Variants in MED12L observed in about 807,000 individuals in gnomAD.
MED12L encodes the protein mediator of RNA polymerase II transcription subunit 12-like protein.
Under a neutral mutation model 281.3 loss-of-function variants are expected in MED12L, and 60 were observed. The observed-to-expected ratio is 0.21, with a 90% CI of 0.17 to 0.26. The LOEUF (loss-of-function observed/expected upper bound fraction) is 0.26, where lower values mean the gene tolerates loss of function less well. Among genes scored for constraint, MED12L ranks in the 10% least tolerant of loss-of-function variants. The pLI is 1.00. For synonymous variants in MED12L, 974 were observed against 987.2 expected (o/e 0.99, Z 0.25); for missense variants, 2,146 against 2,680.9 (o/e 0.80, Z 4.41).
At chr3:151,239,291 G>A (rs1733593038) in intron 16 of MED12L, among the ~76,000 whole-genome samples, 1 of 152,170 alleles carries the variant, frequency 6.6e-6, no homozygotes, top group Admixed American at 6.5e-5. Context: ...TCATTGACAT[G>A]GTTTTAGATC....
intron 21 of MED12L, among the ~76,000 whole-genome samples, chr3:151,361,769 T>C (rs749178892): frequency 4.6e-5 from 7 of 152,266 alleles, no homozygotes; most frequent in Middle Eastern, 3.4e-3. Context: ...TCAGAGCTAT[T>C]TGCATGCTGA....
At chr3:151,308,444 T>C (rs1284462566) in intron 16 of MED12L, among the ~76,000 whole-genome samples, 1 of 152,166 alleles carries the variant, frequency 6.6e-6, no homozygotes, top group East Asian at 1.9e-4. Flanking sequence ...CTAGTCAGTT[T>C]AGGGGCCACA....
chr3:151,255,226 G>A (rs934383461), intron 16 of MED12L, among the ~76,000 whole-genome samples: 4 of 152,088 alleles, frequency 2.6e-5, no homozygotes, highest in African/African-American at 4.8e-5. Context: ...ATATAACAGG[G>A]GATGTGAGAG....
intron 11 of MED12L, among the ~76,000 whole-genome samples, chr3:151,172,927 T>G (rs1183434898): frequency 6.6e-6 from 1 of 152,238 alleles, no homozygotes; most frequent in African/African-American, 2.4e-5. Flanking sequence ...TGAAATAATG[T>G]GTTAGTAAAA....
chr3:151,222,993 G>A (rs902144281), intron 16 of MED12L, among the ~76,000 whole-genome samples: 2 of 152,020 alleles, frequency 1.3e-5, no homozygotes, highest in African/African-American at 2.4e-5. Context: ...GAGAGGTGGC[G>A]ATTGTGATCA....
At chr3:151,304,182 A>G (rs1187618860) in intron 16 of MED12L, among the ~76,000 whole-genome samples, 1 of 152,224 alleles carries the variant, frequency 6.6e-6, no homozygotes, top group Non-Finnish European at 1.5e-5. Context: ...CAAAAAAAGA[A>G]CATGCCTGTG....
rs1712576625 is a variant in MED12L, at chr3:151,115,338, T to A, written c.100-1000T>A. On this transcript the variant is annotated intron_variant, in intron 2 of 44. Transcript: ENST00000687756. Reference sequence around the variant, plus strand: ...CTCTGGAAACAATTCTTTTTTTTTTTTTTTTTTTTTTTTTTTTTTTTTTTT... The same window carrying A: ...CTCTGGAAACAATTCTTTTTTTTTTATTTTTTTTTTTTTTTTTTTTTTTTT... Among the ~76,000 whole-genome samples, 4 of 36,644 alleles carry A rather than the reference T, an allele frequency of 1.1e-4. No homozygotes were observed. The East Asian group carries it at 4.4e-3, about 40-fold the overall frequency. The allele number at this position is 36,644 out of a possible 152,430, so 24.0% of individuals were successfully genotyped here.
intron 19 of MED12L, among the ~76,000 whole-genome samples, chr3:151,356,338 G>A (rs1577422343): frequency 1.3e-5 from 2 of 152,148 alleles, no homozygotes; most frequent in East Asian, 1.9e-4. Flanking sequence ...GATGCAATAA[G>A]CCATGATCAT....
intron 16 of MED12L, among the ~76,000 whole-genome samples, chr3:151,299,385 C>CTTTTCTTTTCTTTTCT (rs1745573052): frequency 7.3e-6 from 1 of 137,756 alleles, no homozygotes; most frequent in Non-Finnish European, 1.6e-5. Flanking sequence ...CTTTTCTTTT[C>CTTTTCTTTTCTTTTCT]TTTTCTTTTC....
At chr3:151,223,303 A>C (rs1178044814) in intron 16 of MED12L, among the ~76,000 whole-genome samples, 1 of 152,120 alleles carries the variant, frequency 6.6e-6, no homozygotes, top group African/African-American at 2.4e-5. Context: ...AGAACTAAAC[A>C]TAAAATTACC....
rs767526319 is a variant in MED12L at position 151,127,898 on chromosome 3, C to T, written c.470C>T (p.Thr157Met). 23 of 1,613,704 alleles carry T rather than the reference C, an allele frequency of 1.4e-5. No individual in the cohort carries two copies. Among genetic ancestry groups the T allele is most frequent in the East Asian group, 6.7e-5 (3 of 44,892 alleles). Residue 157 changes from threonine (T) to methionine (M), a missense_variant, in exon 5 of 45, where the codon ACG becomes ATG. By Grantham distance (81) the Thr-to-Met change is moderately conservative. Around this residue, in one of 9 missense-constraint regions of MED12L, gnomAD observed 722 missense variants for 861.2 expected, o/e 0.84. Coordinates refer to ENST00000687756, the MANE Select transcript of MED12L (RefSeq NM_001393769.1). The stretch of plus-strand genomic sequence containing the variant: ...TATTCTGTGCCAATGGTTCGAGCAA[C>T]GTGGCTGATCAAGATGACTTGTGCC... ...AKYSVPMVRA[T>M]WLIKMTCAYY...
chr3:151,223,995 T>G (rs1377551190), intron 16 of MED12L, among the ~76,000 whole-genome samples: 2 of 152,216 alleles, frequency 1.3e-5, no homozygotes, highest in Non-Finnish European at 2.9e-5. Context: ...GATATTTTAT[T>G]TCTTAAATTC....
chr3:151,406,197 A>C (rs1377787171), intron 39 of MED12L, among the ~76,000 whole-genome samples: 2 of 152,182 alleles, frequency 1.3e-5, no homozygotes, highest in East Asian at 3.8e-4. Flanking sequence ...ATGCCTACCA[A>C]CATTTAAAAG....
chr3:151,291,870 A>C lies in MED12L; in HGVS notation c.2251-58189A>C, dbSNP rs887002220. 2.0e-5 allele frequency among the ~76,000 whole-genome samples: 3 copies of C among 152,220 alleles called. No individual in the cohort carries two copies. In the East Asian group the frequency reaches 5.8e-4, roughly 29 times the overall value. On this transcript the variant is annotated intron_variant, in intron 16 of 44. Transcript: ENST00000687756. ...GTTTTTGTCATATGACTTTTAAAAA[A>C]ATAGGGATGATGTTCTCTGTGTTTT...
intron 2 of MED12L, among the ~76,000 whole-genome samples, chr3:151,103,004 C>A (rs1354170430): frequency 1.3e-5 from 2 of 152,178 alleles, no homozygotes; most frequent in African/African-American, 4.8e-5. Context: ...GATCACCTAG[C>A]ACACTAGCTT....
intron 2 of MED12L, among the ~76,000 whole-genome samples, chr3:151,107,339 A>G (rs1198682202): frequency 2.6e-5 from 4 of 152,156 alleles, no homozygotes; most frequent in Admixed American, 1.3e-4. Flanking sequence ...AGCTCAGGTC[A>G]AAGGCCACCT....
intron 12 of MED12L, among the ~76,000 whole-genome samples, chr3:151,187,465 T>G (rs887864271): frequency 2.0e-4 from 30 of 152,342 alleles, no homozygotes; most frequent in African/African-American, 6.7e-4. Context: ...TGATTTTTTG[T>G]TAAACATCAC....
chr3:151,170,600 C>G (rs1721308862), intron 11 of MED12L, among the ~76,000 whole-genome samples: 1 of 152,176 alleles, frequency 6.6e-6, no homozygotes, highest in African/African-American at 2.4e-5. Flanking sequence ...TTTACTCTCC[C>G]TCCCTGTTGC....
intron 43 of MED12L, chr3:151,425,497 C>T (rs1480001930): frequency 7.7e-6 from 3 of 387,418 alleles, no homozygotes; most frequent in East Asian, 7.2e-5. Context: ...GACTCTTAGG[C>T]TCAAGTGATC....
Sources: gnomAD v4.1 joint callset for allele counts (sites outside exome capture counted in the v4.1 genomes callset) on GRCh38, gnomAD v4.1.1 for gene constraint, gnomAD v4.1.1 regional missense constraint, MANE v1.5 for transcripts, NCBI Gene and HGNC (gene_info 2026-07-23, HGNC 2026-07-21) for gene names.